The following SPAG16 variants were observed in gnomAD, a reference collection of about 807,000 sequenced individuals.
SPAG16 encodes the protein sperm associated antigen 16.
Under a neutral mutation model 80.4 loss-of-function variants are expected in SPAG16, and 86 were observed. The observed-to-expected ratio is 1.07, with a 90% confidence interval of 0.90 to 1.28. The LOEUF (loss-of-function observed/expected upper bound fraction) is 1.28, where lower values mean the gene tolerates loss of function less well. Ranked by LOEUF, SPAG16 falls within the 50% of genes most tolerant of loss-of-function variation. SPAG16 has a pLI of 0.00. For missense variants in SPAG16, 870 were observed against 765.3 expected (o/e 1.14, Z -1.61); for synonymous variants, 294 against 265.9 (o/e 1.11, Z -1.03).
At chr2:214,130,893 C>T (rs145126010) in intron 14 of SPAG16, among the ~76,000 whole-genome samples, 85 of 152,180 alleles carry the variant, frequency 5.6e-4, no homozygotes, top group African/African-American at 1.7e-3. Context: ...TTGAATAAAA[C>T]GTTAGTTTCA....
chr2:213,350,446 A>G, intron 6 of SPAG16, 82 bp from the exon 7 acceptor site: 1 of 693,996 alleles, frequency 1.4e-6, no homozygotes. Flanking sequence ...AAAGAAAAAG[A>G]AAAAAAGGTT....
intron 10 of SPAG16, among the ~76,000 whole-genome samples, chr2:213,708,869 G>C (rs2065865496): frequency 6.6e-6 from 1 of 152,124 alleles, no homozygotes; most frequent in Non-Finnish European, 1.5e-5. Flanking sequence ...GAAGGGGATA[G>C]TTCATGTCCC....
chr2:214,291,619 T>G (rs1246614878), intron 15 of SPAG16, among the ~76,000 whole-genome samples: 1 of 152,208 alleles, frequency 6.6e-6, no homozygotes, highest in Non-Finnish European at 1.5e-5. Context: ...TCATGTTTCT[T>G]TATCCATTCA....
chr2:213,754,784 G>A (rs2068244451), intron 10 of SPAG16, among the ~76,000 whole-genome samples: 1 of 152,160 alleles, frequency 6.6e-6, no homozygotes, highest in Non-Finnish European at 1.5e-5. Flanking sequence ...CATCTGGTGT[G>A]TGCTCAGCTG....
chr2:214,326,836 T>C (rs1288844049), intron 15 of SPAG16, among the ~76,000 whole-genome samples: 3 of 149,934 alleles, frequency 2.0e-5, no homozygotes, highest in Non-Finnish European at 4.4e-5. Flanking sequence ...TCCCAGCTAC[T>C]TGGGAGGCTG....
At chr2:214,293,756 T>C (rs1693953981) in intron 15 of SPAG16, among the ~76,000 whole-genome samples, 1 of 152,174 alleles carries the variant, frequency 6.6e-6, no homozygotes, top group African/African-American at 2.4e-5. Flanking sequence ...TGAAAGTTCC[T>C]GGCCTTCCAT....
At chr2:214,122,381 G>A (rs1199866606) in intron 14 of SPAG16, among the ~76,000 whole-genome samples, 3 of 151,668 alleles carry the variant, frequency 2.0e-5, no homozygotes, top group African/African-American at 4.8e-5. Flanking sequence ...CTAAGTTGCC[G>A]GTAAGTAGAC....
chr2:213,951,820 T>G (rs34184516), intron 12 of SPAG16, among the ~76,000 whole-genome samples: 452 of 152,208 alleles, frequency 3.0e-3, no homozygotes, highest in Non-Finnish European at 4.5e-3. Context: ...GCAAAAGACA[T>G]AGTTATTTTC....
At chr2:213,577,867 T>A (rs757174279) in intron 10 of SPAG16, among the ~76,000 whole-genome samples, 2 of 152,100 alleles carry the variant, frequency 1.3e-5, no homozygotes, top group Non-Finnish European at 2.9e-5. Flanking sequence ...ACTCTTGTCC[T>A]CTTGCTCTGT....
At chr2:214,201,317 T>A (rs539872546) in intron 15 of SPAG16, among the ~76,000 whole-genome samples, 1 of 152,340 alleles carries the variant, frequency 6.6e-6, no homozygotes, top group African/African-American at 2.4e-5. Flanking sequence ...ATAAACATTT[T>A]AATTTACTTG....
intron 12 of SPAG16, among the ~76,000 whole-genome samples, chr2:213,965,173 A>G (rs1039387710): frequency 1.3e-5 from 2 of 152,184 alleles, no homozygotes; most frequent in African/African-American, 4.8e-5. Context: ...CACTGAGCAG[A>G]CAATGGCAGC....
chr2:214,016,294 C>T lies in SPAG16; in HGVS notation c.1527+2217C>T, dbSNP rs756909136. Among the ~76,000 whole-genome samples the T allele has an allele frequency of 6.6e-5, 10 of 152,242 alleles. No homozygotes were observed. In the South Asian group the frequency reaches 1.9e-3, roughly 28 times the overall value. ...AAAAGTGAATGAGGAAGCAAAGTCA[C>T]GTCATACATGGCAGCATGCAAGAGA... is the stretch of plus-strand genomic sequence containing the variant. On this transcript the variant is annotated intron_variant, in intron 13 of 15. Transcript: ENST00000331683.
intron 10 of SPAG16, among the ~76,000 whole-genome samples, chr2:213,697,190 C>A (rs1016963998): frequency 1.2e-4 from 19 of 152,080 alleles, no homozygotes; most frequent in African/African-American, 4.6e-4. Context: ...ATCTATTTAA[C>A]AAGGTCATCA....
chr2:214,342,505 A>G (rs1275264290), intron 15 of SPAG16, among the ~76,000 whole-genome samples: 3 of 152,068 alleles, frequency 2.0e-5, no homozygotes, highest in Non-Finnish European at 2.9e-5. Flanking sequence ...AGGAGAATCC[A>G]ATGCCTGATG....
At chr2:214,297,987 A>G (rs529408518) in intron 15 of SPAG16, among the ~76,000 whole-genome samples, 69 of 150,926 alleles carry the variant, frequency 4.6e-4, no homozygotes, top group African/African-American at 1.5e-3. Context: ...ATGTTTTTCT[A>G]TTTGTTTGTG....
intron 10 of SPAG16, among the ~76,000 whole-genome samples, chr2:213,672,759 C>T (rs890153959): frequency 2.6e-5 from 4 of 151,808 alleles, no homozygotes; most frequent in African/African-American, 7.3e-5. Context: ...CACATTGGCC[C>T]TGCTCTGCAA....
At chr2:213,938,043 CT>C (rs1188705992) in intron 12 of SPAG16, among the ~76,000 whole-genome samples, 2 of 151,554 alleles carry the variant, frequency 1.3e-5, no homozygotes, top group East Asian at 3.9e-4. Flanking sequence ...ACCAAAAAAG[CT>C]ATTTATTAGA....
intron 12 of SPAG16, among the ~76,000 whole-genome samples, chr2:213,995,869 A>G (rs1347717786): frequency 6.6e-6 from 1 of 152,174 alleles, no homozygotes; most frequent in Non-Finnish European, 1.5e-5. Context: ...TTTCCAGGCA[A>G]TGCAATAGAA....
chr2:213,637,725 A>G (rs2062421704), intron 10 of SPAG16, among the ~76,000 whole-genome samples: 1 of 151,948 alleles, frequency 6.6e-6, no homozygotes, highest in Non-Finnish European at 1.5e-5. Flanking sequence ...TAGTTTGTGC[A>G]TTTAAATGTA....
Sources: gnomAD v4.1 joint callset for allele counts (sites outside exome capture counted in the v4.1 genomes callset) on GRCh38, gnomAD v4.1.1 for gene constraint, MANE v1.5 for transcripts, NCBI Gene and HGNC (gene_info 2026-07-23, HGNC 2026-07-21) for gene names.